PTPRG: variants seen among roughly 807,000 people sequenced by gnomAD.
The protein encoded by PTPRG is protein tyrosine phosphatase receptor type G, also known as receptor-type tyrosine-protein phosphatase gamma.
PTPRG carries 102 observed loss-of-function variants against 165.3 expected under a neutral mutation model. That is an observed-to-expected ratio of 0.62 (90% CI 0.53 to 0.73). The LOEUF (loss-of-function observed/expected upper bound fraction) is 0.73, where lower values mean the gene tolerates loss of function less well. Among genes scored for constraint, PTPRG ranks in the 30% least tolerant of loss-of-function variants. PTPRG has a pLI of 0.00. For missense variants in PTPRG, 1,866 were observed against 1,861.4 expected (o/e 1.00, Z -0.05); for synonymous variants, 675 against 669.5 (o/e 1.01, Z -0.13).
intron 12 of PTPRG, among the ~76,000 whole-genome samples, chr3:62,206,294 A>G (rs936827381): frequency 6.6e-6 from 1 of 152,124 alleles, no homozygotes; most frequent in Admixed American, 6.5e-5. Context: ...TGAGGTGTGT[A>G]GGTCCTCGGC....
intron 1 of PTPRG, among the ~76,000 whole-genome samples, chr3:61,699,701 C>T (rs1319599331): frequency 6.6e-6 from 1 of 152,132 alleles, no homozygotes; most frequent in African/African-American, 2.4e-5. Context: ...CTTGAATTGT[C>T]TGCTGCTGCA....
chr3:61,702,925 C>T (rs2031052216), intron 1 of PTPRG, among the ~76,000 whole-genome samples: 2 of 152,216 alleles, frequency 1.3e-5, no homozygotes, highest in Non-Finnish European at 2.9e-5. Context: ...ATGAGTAAAG[C>T]TGTAAAGAGC....
At chr3:61,665,825 T>C (rs9837160) in intron 1 of PTPRG, among the ~76,000 whole-genome samples, 148,154 of 152,224 alleles carry the variant, frequency 0.97, 72,176 homozygotes, top group Non-Finnish European at 1. Context: ...GATACCCCAT[T>C]TCTTAAAGGA....
intron 6 of PTPRG, among the ~76,000 whole-genome samples, chr3:62,153,628 G>A (rs573840467): frequency 1.5e-3 from 224 of 152,252 alleles, no homozygotes; most frequent in African/African-American, 5.2e-3. Context: ...TAGCTTAGAG[G>A]AATAATAGTA....
At chr3:61,892,479 C>T (rs1012033709) in intron 2 of PTPRG, among the ~76,000 whole-genome samples, 2 of 152,116 alleles carry the variant, frequency 1.3e-5, no homozygotes, top group African/African-American at 4.8e-5. Context: ...CCTCCCAAAG[C>T]GCTGGGATTA....
intron 2 of PTPRG, among the ~76,000 whole-genome samples, chr3:61,894,676 A>C (rs2038304263): frequency 6.6e-6 from 1 of 152,164 alleles, no homozygotes; most frequent in Admixed American, 6.5e-5. Flanking sequence ...CTGTGATTTC[A>C]ACTTGGGCTT....
intron 1 of PTPRG, among the ~76,000 whole-genome samples, chr3:61,616,724 G>A (rs1386898502): frequency 6.6e-6 from 1 of 152,194 alleles, no homozygotes; most frequent in East Asian, 1.9e-4. Flanking sequence ...GGCTTGGCAA[G>A]CAGGGTGTGT....
At chr3:62,243,924 C>T (rs1299976867) in intron 15 of PTPRG, 26 bp downstream of exon 15, 1 of 1,289,678 alleles carries the variant, frequency 7.8e-7, no homozygotes, top group African/African-American at 1.5e-5. Flanking sequence ...CTCTTATTTC[C>T]AATGGGCTAA....
intron 2 of PTPRG, among the ~76,000 whole-genome samples, chr3:61,948,411 C>T (rs2039817321): frequency 6.6e-6 from 1 of 152,116 alleles, no homozygotes; most frequent in Admixed American, 6.5e-5. Flanking sequence ...TATTGAGCAC[C>T]TGCTATGGCC....
intron 1 of PTPRG, among the ~76,000 whole-genome samples, chr3:61,665,301 T>C (rs1575574467): frequency 3.9e-5 from 6 of 152,108 alleles, no homozygotes; most frequent in Admixed American, 3.9e-4. Flanking sequence ...CCTGGAAGTA[T>C]CGTTTTAAAT....
rs11329820 is a variant in PTPRG, at chr3:61,820,603, G to GTTTTT, written c.190+71643_190+71647dup. Among the ~76,000 whole-genome samples, 19 of 65,734 alleles carry GTTTTT rather than the reference G, an allele frequency of 2.9e-4. 1 individual carries two copies. Among genetic ancestry groups the GTTTTT allele is most frequent in the South Asian group, 2.1e-3 (3 of 1,410 alleles). 43.1% of individuals were successfully genotyped at this position (65,734 alleles called of 152,430 possible). On this transcript the variant is annotated intron_variant, in intron 2 of 29. Coordinates refer to ENST00000474889, the MANE Select transcript of PTPRG (RefSeq NM_002841.4). ...TTTAATTTCTTGTTCCTGTGTCTCT[G>GTTTTT]TTTTTTTTTTTTTTTTTTTTTTTTT...
chr3:61,595,808 A>G (rs1429588539), intron 1 of PTPRG, among the ~76,000 whole-genome samples: 1 of 152,244 alleles, frequency 6.6e-6, no homozygotes, highest in Non-Finnish European at 1.5e-5. Flanking sequence ...AAAAGATTAG[A>G]TAATTTATAT....
intron 2 of PTPRG, among the ~76,000 whole-genome samples, chr3:61,869,347 C>T (rs1441370141): frequency 6.6e-6 from 1 of 152,196 alleles, no homozygotes; most frequent in Admixed American, 6.5e-5. Context: ...TGCCTGCAAA[C>T]TGTGTGCAGA....
chr3:61,803,220 TAAAAAG>T (rs2035300312), intron 2 of PTPRG, among the ~76,000 whole-genome samples: 1 of 152,138 alleles, frequency 6.6e-6, no homozygotes, highest in Non-Finnish European at 1.5e-5. Flanking sequence ...ACTAAAAAAG[TAAAAAG>T]AAAAAGGTGA....
intron 2 of PTPRG, among the ~76,000 whole-genome samples, chr3:61,930,113 G>A (rs936940270): frequency 6.6e-6 from 1 of 150,706 alleles, no homozygotes; most frequent in South Asian, 2.1e-4. Context: ...ACAATTGCCA[G>A]TATAAGTATT....
intron 5 of PTPRG, among the ~76,000 whole-genome samples, chr3:62,121,397 T>C (rs1045723306): frequency 2.0e-5 from 3 of 152,122 alleles, no homozygotes; most frequent in African/African-American, 7.2e-5. Context: ...GATCTCAACA[T>C]TACATATGAG....
chr3:61,674,486 CAAAAAAAAA>C (rs58334791), intron 1 of PTPRG, among the ~76,000 whole-genome samples: 4 of 57,986 alleles, frequency 6.9e-5, no homozygotes, highest in Non-Finnish European at 1.2e-4. Context: ...GACTCCATCT[CAAAAAAAAA>C]AAAAAAAAAA....
chr3:61,963,522 A>T (rs1040426691), intron 2 of PTPRG, among the ~76,000 whole-genome samples: 1 of 152,218 alleles, frequency 6.6e-6, no homozygotes, highest in Non-Finnish European at 1.5e-5. Context: ...AATATTTATG[A>T]TTAATTCCTT....
chr3:61,941,423 G>A (rs1184941634), intron 2 of PTPRG, among the ~76,000 whole-genome samples: 3 of 152,202 alleles, frequency 2.0e-5, no homozygotes. Flanking sequence ...AGGAGATCGA[G>A]ACCGTCCTGG....
Sources: allele counts gnomAD v4.1 joint callset (sites outside exome capture counted in the v4.1 genomes callset), GRCh38; gene constraint gnomAD v4.1.1; transcripts MANE v1.5; gene names NCBI Gene and HGNC (gene_info 2026-07-23, HGNC 2026-07-21).